The following SPINDOC variants were observed in gnomAD, a reference collection of about 807,000 sequenced individuals.
SPINDOC encodes spindlin interactor and repressor of chromatin-binding protein.
SPINDOC carries 13 observed loss-of-function variants against 30.7 expected under a neutral mutation model. That is an observed-to-expected ratio of 0.42 (90% CI 0.28 to 0.67). The LOEUF (loss-of-function observed/expected upper bound fraction) is 0.67, where lower values mean the gene tolerates loss of function less well. Ranked by LOEUF, SPINDOC falls within the 30% of genes least tolerant of loss-of-function variation. The probability of loss-of-function intolerance (pLI) is 0.22; values close to 1 mark genes in which losing one functional copy is unlikely to be tolerated. For synonymous variants in SPINDOC, 228 were observed against 211.4 expected, an observed-to-expected ratio of 1.08 and a Z score of -0.68; for missense variants, 438 against 518.0, an observed-to-expected ratio of 0.85 and a Z score of 1.50.
At chr11:63,820,884 C>T (rs571624087) in intron 5 of SPINDOC, among the ~76,000 whole-genome samples, 1,312 of 35,378 alleles carry the variant, frequency 0.037, 21 homozygotes, top group African/African-American at 0.055. Context: ...AGCGAAACTC[C>T]GTCTCAAAAA....
chr11:63,825,753 C>T (rs915942171), intron 5 of SPINDOC, among the ~76,000 whole-genome samples: 1 of 152,140 alleles, frequency 6.6e-6, no homozygotes, highest in Admixed American at 6.5e-5. Flanking sequence ...AATGGGGTGG[C>T]AGCCACTAAG....
rs1415640362 is a variant in SPINDOC at position 63,826,943 on chromosome 11, T to G, written c.950T>G (p.Leu317Arg). The G allele has an allele frequency of 1.3e-6, 2 of 1,565,218 alleles. No homozygotes were observed. Among genetic ancestry groups the G allele is most frequent in the Admixed American group, 3.4e-5 (2 of 59,618 alleles). ...ESPSPAPPPGLRGTLDLQVIR... is the reference protein window; with the variant it reads ...ESPSPAPPPGRRGTLDLQVIR... ...CCCTGCCCAGCTCCCCCTCCGGGGC[T>G]CCGCGGGACACTGGATCTCCAGGTT... is the stretch of plus-strand genomic sequence containing the variant. Residue 317 changes from leucine to arginine, a missense_variant, in exon 6 of 6, where the codon CTC becomes CGC. By Grantham distance (102) the Leu-to-Arg change is moderately radical (BLOSUM62 -2). This residue lies in a region of SPINDOC where 300 missense variants were observed against 332.8 expected (regional missense o/e 0.90). Coordinates refer to ENST00000294244, the MANE Select transcript of SPINDOC (RefSeq NM_138471.3).
Position 63,818,375 on chromosome 11 carries a change from C to A in SPINDOC, c.607+10C>A. The A allele has an allele frequency of 3.7e-6, 6 of 1,613,086 alleles. No homozygotes were observed. The highest frequency in any genetic ancestry group is 5.1e-6 in the Non-Finnish European group (6 of 1,179,540). On this transcript the variant is annotated intron_variant, in intron 3 of 5. Transcript: ENST00000294244. The surrounding 1 kb of genome is among the most constrained non-coding windows in gnomAD (Gnocchi z 5.3). Reference sequence around the variant, plus strand: ...CCCCTCGAGCTTCCTGGTTAGTCAACAGAGAAGCCAGTGAGCCCCGGTGGA... The same window carrying A: ...CCCCTCGAGCTTCCTGGTTAGTCAAAAGAGAAGCCAGTGAGCCCCGGTGGA...
At position 63,818,615 on chromosome 11, in the gene SPINDOC, A is replaced by C. The variant is rs1476210605; in HGVS notation, c.696A>C (p.Arg232Ser). The change falls in exon 4 of 6, where the codon AGA becomes AGC. Residue 232 changes from arginine to serine, a missense_variant. This residue lies in a region of SPINDOC where 300 missense variants were observed against 332.8 expected (regional missense o/e 0.90). Transcript: ENST00000294244. The surrounding 1 kb of genome is among the most constrained non-coding windows in gnomAD (Gnocchi z 5.3). ...PPGEEPVRKKRGRPMTKNLDP... is the reference protein window; with the variant it reads ...PPGEEPVRKKSGRPMTKNLDP... The stretch of plus-strand genomic sequence containing the variant: ...GGGAAGAGCCAGTCAGAAAGAAAAG[A>C]GGCAGACCTATGACCAAAAACCTGG... The C allele has an allele frequency of 6.2e-7, 1 of 1,613,780 alleles. No homozygotes were observed. Among genetic ancestry groups the C allele is most frequent in the South Asian group, 1.1e-5 (1 of 91,080 alleles).
chr11:63,822,373 A>G (rs535021478), intron 5 of SPINDOC, among the ~76,000 whole-genome samples: 15 of 147,538 alleles, frequency 1.0e-4, no homozygotes, highest in Admixed American at 5.4e-4. Flanking sequence ...AAAAAAAAAA[A>G]AAAAAAAGAA....
At position 63,817,790 on chromosome 11, in the gene SPINDOC, C is replaced by T. The variant is rs1408109671; in HGVS notation, c.128-15C>T. Reference sequence around the variant, plus strand: ...GCACCTTTAGTGATAACACCCTCCCCCTCTCCCCTCGCAGTGACCCAACAG... The same window carrying T: ...GCACCTTTAGTGATAACACCCTCCCTCTCTCCCCTCGCAGTGACCCAACAG... On this transcript the variant is annotated splice_polypyrimidine_tract_variant and intron_variant, in intron 1 of 5. Transcript: ENST00000294244. 1 of 1,542,682 alleles carries T rather than the reference C, an allele frequency of 6.5e-7. No homozygotes were observed. The highest frequency in any genetic ancestry group is 2.0e-5 in the Admixed American group (1 of 50,848).
rs760636626 is a variant in SPINDOC at position 63,818,950 on chromosome 11, A to G, written c.882A>G (p.Lys294=). ...GCCCAGACAGCAAGGACTCACCCAA[A>G]GACAGGGAAGTGGCAGAAGGAGGCC... ...LRGPDSKDSP[K]DREVAEGGLP... is the part of the protein sequence containing the mutation. The change falls in exon 5 of 6, where the codon AAA becomes AAG. Residue 294 remains lysine (K), a synonymous_variant. Transcript: ENST00000294244. This position sits in a 1 kb window ranked among gnomAD's most constrained non-coding sequence, Gnocchi z 5.3. 1.2e-5 allele frequency: 20 copies of G among 1,614,166 alleles called. 1 individual carries two copies. The South Asian group carries it at 2.1e-4, about 17-fold the overall frequency.
chr11:63,820,132 T>C (rs2015469390), intron 5 of SPINDOC, among the ~76,000 whole-genome samples: 1 of 152,164 alleles, frequency 6.6e-6, no homozygotes. Context: ...TCGTGGTGGC[T>C]CACGCCTGTA....
chr11:63,822,897 G>C (rs1463350418), intron 5 of SPINDOC: 6 of 1,287,316 alleles, frequency 4.7e-6, no homozygotes, highest in Non-Finnish European at 6.1e-6. Flanking sequence ...TCTTTGGGGT[G>C]AGTGGGCAAA....
chr11:63,823,455 G>A (rs2015581906), intron 5 of SPINDOC: 1 of 619,348 alleles, frequency 1.6e-6, no homozygotes, highest in Non-Finnish European at 2.3e-6. Context: ...GTGAATGTGA[G>A]GTAGTCCAGG....
At chr11:63,820,889 CAAAAA>C (rs60839586) in intron 5 of SPINDOC, among the ~76,000 whole-genome samples, 5 of 74,458 alleles carry the variant, frequency 6.7e-5, no homozygotes, top group East Asian at 1.1e-3. Flanking sequence ...AACTCCGTCT[CAAAAA>C]AAAAAAAAAA....
chr11:63,816,527 C>T (rs1326344306), intron 1 of SPINDOC, among the ~76,000 whole-genome samples: 3 of 152,030 alleles, frequency 2.0e-5, no homozygotes, highest in Non-Finnish European at 2.9e-5. Flanking sequence ...TTTCAGACAC[C>T]ACCTCTTGTA....
At chr11:63,816,514 C>G (rs2015343504) in intron 1 of SPINDOC, among the ~76,000 whole-genome samples, 1 of 152,098 alleles carries the variant, frequency 6.6e-6, no homozygotes, top group Admixed American at 6.6e-5. Flanking sequence ...TATCTCGTAT[C>G]TCTTTCAGAC....
Position 63,818,392 on chromosome 11 carries a change from C to G in SPINDOC, c.607+27C>G, listed in dbSNP as rs755259556. 4 of 1,611,570 alleles carry G rather than the reference C, an allele frequency of 2.5e-6. No homozygotes were observed. In the South Asian group the frequency reaches 3.3e-5, roughly 13 times the overall value. On this transcript the variant is annotated intron_variant, in intron 3 of 5. Coordinates refer to ENST00000294244, the MANE Select transcript of SPINDOC (RefSeq NM_138471.3). This position sits in a 1 kb window ranked among gnomAD's most constrained non-coding sequence, Gnocchi z 5.3. The stretch of plus-strand genomic sequence containing the variant: ...TTAGTCAACAGAGAAGCCAGTGAGC[C>G]CCGGTGGAGGTGGGGGTTTGGGGAC...
chr11:63,823,107 C>G, intron 5 of SPINDOC: 1 of 1,277,132 alleles, frequency 7.8e-7, no homozygotes, highest in African/African-American at 1.5e-5. Flanking sequence ...AGTGAGACAG[C>G]CTTTGTCCCC....
intron 1 of SPINDOC, among the ~76,000 whole-genome samples, chr11:63,815,527 C>T (rs189019169): frequency 5.3e-5 from 8 of 152,278 alleles, no homozygotes; most frequent in Non-Finnish European, 8.8e-5. Flanking sequence ...ATACATGGGC[C>T]TAGATTTCCT....
At chr11:63,816,380 G>A (rs1279032630) in intron 1 of SPINDOC, among the ~76,000 whole-genome samples, 1 of 152,208 alleles carries the variant, frequency 6.6e-6, no homozygotes, top group African/African-American at 2.4e-5. Flanking sequence ...TTGAGAAACT[G>A]ACCGCAGAGT....
intron 5 of SPINDOC, chr11:63,822,988 C>T: frequency 9.4e-7 from 1 of 1,064,664 alleles, no homozygotes; most frequent in Non-Finnish European, 1.3e-6. Flanking sequence ...TCAGCAGTGG[C>T]AGCCTTCGTG....
rs1335315392 is a variant in SPINDOC, at chr11:63,817,746, T to C, written c.128-59T>C. ...CAAACCACTGAGTCTGGAGACGTGC[T>C]AAGTGTTGTTGGTTGTGGGCACCTT... On this transcript the variant is annotated intron_variant, in intron 1 of 5. Transcript: ENST00000294244. 9.2e-6 allele frequency: 13 copies of C among 1,415,432 alleles called. No individual in the cohort carries two copies. The East Asian group carries it at 1.0e-4, about 11-fold the overall frequency. The allele number at this position is 1,415,432 out of a possible 1,614,324, so 87.7% of individuals were successfully genotyped here.
Sources: gnomAD v4.1 joint callset for allele counts (sites outside exome capture counted in the v4.1 genomes callset) on GRCh38, gnomAD v4.1.1 for gene constraint, gnomAD v4.1.1 regional missense constraint, Gnocchi (gnomAD v3.1) non-coding constraint, MANE v1.5 for transcripts, NCBI Gene and HGNC (gene_info 2026-07-23, HGNC 2026-07-21) for gene names.